Variants in KCNH5 observed in about 807,000 individuals in gnomAD.
KCNH5 encodes the protein voltage-gated delayed rectifier potassium channel KCNH5.
Under a neutral mutation model 96.1 loss-of-function variants are expected in KCNH5, and 46 were observed. That is an observed-to-expected ratio of 0.48 (90% CI 0.38 to 0.61). The LOEUF is 0.61. Ranked by LOEUF, KCNH5 falls within the 20% of genes least tolerant of loss-of-function variation. KCNH5 has a pLI of 0.00. For synonymous variants in KCNH5, 439 were observed against 449.8 expected (o/e 0.98, Z 0.30); for missense variants, 907 against 1,225.8 (o/e 0.74, Z 3.88).
intron 10 of KCNH5, among the ~76,000 whole-genome samples, chr14:62,747,280 A>G (rs1188978561): frequency 5.3e-5 from 8 of 152,038 alleles, no homozygotes; most frequent in Non-Finnish European, 1.0e-4. Flanking sequence ...GATTGCAGTG[A>G]GCTGAGATTG....
chr14:62,828,012 C>A (rs1479017409), intron 8 of KCNH5, among the ~76,000 whole-genome samples: 1 of 151,638 alleles, frequency 6.6e-6, no homozygotes, highest in Non-Finnish European at 1.5e-5. Flanking sequence ...TTCTTATGTC[C>A]CTTACATAAT....
intron 10 of KCNH5, among the ~76,000 whole-genome samples, chr14:62,736,009 A>T (rs1478304064): frequency 1.3e-5 from 2 of 152,200 alleles, no homozygotes; most frequent in East Asian, 3.9e-4. Context: ...GCTGTCAGAG[A>T]GACTATGGCC....
chr14:62,791,463 A>G (rs1439347117), intron 9 of KCNH5, among the ~76,000 whole-genome samples: 1 of 151,670 alleles, frequency 6.6e-6, no homozygotes, highest in African/African-American at 2.4e-5. Flanking sequence ...AAATTATCCA[A>G]TCAAAAGACA....
At chr14:62,934,714 T>C (rs1256299017) in intron 7 of KCNH5, among the ~76,000 whole-genome samples, 1 of 152,194 alleles carries the variant, frequency 6.6e-6, no homozygotes, top group African/African-American at 2.4e-5. Flanking sequence ...AAATTAGACT[T>C]TTTTAAAGCC....
intron 8 of KCNH5, among the ~76,000 whole-genome samples, chr14:62,808,824 C>T (rs1595632173): frequency 6.6e-6 from 1 of 152,054 alleles, no homozygotes; most frequent in Non-Finnish European, 1.5e-5. Flanking sequence ...TGTCCTAAAA[C>T]TTTTTATCAA....
intron 7 of KCNH5, among the ~76,000 whole-genome samples, chr14:62,923,838 G>C (rs774357527): frequency 7.9e-5 from 12 of 151,826 alleles, no homozygotes; most frequent in Non-Finnish European, 1.5e-4. Flanking sequence ...TTAAATACTT[G>C]AACATAAGAA....
chr14:62,743,706 C>T (rs1446736224), intron 10 of KCNH5, among the ~76,000 whole-genome samples: 1 of 152,108 alleles, frequency 6.6e-6, no homozygotes, highest in Admixed American at 6.6e-5. Flanking sequence ...CAGCAAGGTC[C>T]TTTACCACCA....
At chr14:63,031,318 A>T (rs182380811) in intron 1 of KCNH5, among the ~76,000 whole-genome samples, 1 of 152,250 alleles carries the variant, frequency 6.6e-6, no homozygotes, top group Non-Finnish European at 1.5e-5. Flanking sequence ...GGTTAATACT[A>T]CTACATATTA....
chr14:62,735,646 G>C (rs1423145027), intron 10 of KCNH5, among the ~76,000 whole-genome samples: 1 of 152,030 alleles, frequency 6.6e-6, no homozygotes, highest in East Asian at 1.9e-4. Flanking sequence ...TACCACTCTG[G>C]CCAATGCCAC....
At chr14:62,828,911 C>A (rs1887283567) in intron 8 of KCNH5, among the ~76,000 whole-genome samples, 1 of 152,064 alleles carries the variant, frequency 6.6e-6, no homozygotes, top group African/African-American at 2.4e-5. Context: ...CCTGTAAAAT[C>A]AAAAACAAGT....
At chr14:62,759,573 A>ATATATATATATATATATTTTTT (rs1171935428) in intron 10 of KCNH5, among the ~76,000 whole-genome samples, 7 of 151,080 alleles carry the variant, frequency 4.6e-5, no homozygotes, top group Non-Finnish European at 1.0e-4. Flanking sequence ...CGTAGGGTAT[A>ATATATATATATATATATTTTTT]TTTTTTAATA....
rs1472646494 is a variant in KCNH5 at position 62,700,635 on chromosome 14, T to G, written c.*6873A>C. 1 of 152,234 alleles carries G rather than the reference T, an allele frequency of 6.6e-6. No individual in the cohort carries two copies. Among genetic ancestry groups the G allele is most frequent in the Admixed American group, 6.5e-5 (1 of 15,282 alleles). The allele number at this position is 152,234 out of a possible 1,614,324, so 9.4% of individuals were successfully genotyped here. On this transcript the variant is annotated 3_prime_UTR_variant, in exon 11 of 11. Transcript: ENST00000322893. ...AAGTTGACAGTTCATGGCTGTGACATAATATACCAATATTAAATACTTAGG... is the reference window on the plus strand; with the variant it reads ...AAGTTGACAGTTCATGGCTGTGACAGAATATACCAATATTAAATACTTAGG...
intron 8 of KCNH5, among the ~76,000 whole-genome samples, chr14:62,846,856 A>G (rs1887705691): frequency 8.4e-6 from 1 of 119,272 alleles, no homozygotes; most frequent in African/African-American, 3.3e-5. Flanking sequence ...GCTGGAGTGC[A>G]GTGGTGCCAT....
chr14:62,719,565 G>A (rs970644108), intron 10 of KCNH5, among the ~76,000 whole-genome samples: 1 of 152,240 alleles, frequency 6.6e-6, no homozygotes. Context: ...GGCGAAAGAA[G>A]ATTTGTAGAC....
At chr14:62,901,511 G>C (rs932213768) in intron 7 of KCNH5, among the ~76,000 whole-genome samples, 1 of 152,118 alleles carries the variant, frequency 6.6e-6, no homozygotes, top group Non-Finnish European at 1.5e-5. Context: ...AATTCACTTA[G>C]GATAATGGGT....
At chr14:62,950,600 G>T in intron 6 of KCNH5, 41 bp from the exon 7 acceptor site, 1 of 1,466,298 alleles carries the variant, frequency 6.8e-7, no homozygotes, top group Non-Finnish European at 9.0e-7. Context: ...CACATTTTCA[G>T]GAAAAAAAAA....
At chr14:62,976,579 A>C (rs1254266240) in intron 6 of KCNH5, among the ~76,000 whole-genome samples, 1 of 152,170 alleles carries the variant, frequency 6.6e-6, no homozygotes, top group Admixed American at 6.5e-5. Context: ...CACCTAGTTA[A>C]CACCCATCAA....
At chr14:62,850,485 A>G (rs529188503) in intron 7 of KCNH5, among the ~76,000 whole-genome samples, 279 of 152,272 alleles carry the variant, frequency 1.8e-3, no homozygotes, top group Middle Eastern at 3.4e-3. Context: ...AAATTCATGT[A>G]ATTATTCCAG....
At chr14:62,837,666 T>C (rs4899096) in intron 8 of KCNH5, among the ~76,000 whole-genome samples, 15,287 of 152,244 alleles carry the variant, frequency 0.1, 1,061 homozygotes, top group East Asian at 0.29. Context: ...CCCTGTTATA[T>C]GGAAGGACAG....
Sources: gnomAD v4.1 joint callset for allele counts (sites outside exome capture counted in the v4.1 genomes callset) on GRCh38, gnomAD v4.1.1 for gene constraint, MANE v1.5 for transcripts, NCBI Gene and HGNC (gene_info 2026-07-23, HGNC 2026-07-21) for gene names.